IQCJ: variants seen among roughly 807,000 people sequenced by gnomAD.
IQCJ encodes IQ domain-containing protein J.
In IQCJ, 9 loss-of-function variants were observed where a neutral mutation model predicts 11.0. The ratio of observed to expected loss-of-function variants is 0.82; its 90% CI spans 0.49 to 1.43. The LOEUF (loss-of-function observed/expected upper bound fraction) is 1.43, where lower values mean the gene tolerates loss of function less well. IQCJ is among the 40% of genes most tolerant of loss of function. The pLI, the probability that IQCJ is intolerant of heterozygous loss-of-function variation, is 0.00. For missense variants in IQCJ, 146 were observed against 133.2 expected, an observed-to-expected ratio of 1.10 and a Z score of -0.47; for synonymous variants, 55 against 51.3, an observed-to-expected ratio of 1.07 and a Z score of -0.31.
At chr3:159,190,899 A>G (rs1258553448) in intron 1 of IQCJ, among the ~76,000 whole-genome samples, 1 of 152,226 alleles carries the variant, frequency 6.6e-6, no homozygotes, top group African/African-American at 2.4e-5. Flanking sequence ...GTTCTTGTAT[A>G]GTTAGGGGAA....
At chr3:159,149,795 T>C (rs1302948240) in intron 1 of IQCJ, among the ~76,000 whole-genome samples, 1 of 152,204 alleles carries the variant, frequency 6.6e-6, no homozygotes. Context: ...ACACCAAGCA[T>C]TGAATCTGTT....
chr3:159,167,877 A>G (rs1307744290), intron 1 of IQCJ, among the ~76,000 whole-genome samples: 2 of 152,252 alleles, frequency 1.3e-5, no homozygotes, highest in Non-Finnish European at 2.9e-5. Flanking sequence ...AGAAGAGAAG[A>G]CAAGAGATAA....
intron 1 of IQCJ, among the ~76,000 whole-genome samples, chr3:159,152,378 A>G (rs1160685522): frequency 3.3e-5 from 5 of 152,098 alleles, no homozygotes; most frequent in South Asian, 2.1e-4. Context: ...AGCATCCACT[A>G]TCATGTTCTC....
chr3:159,115,484 T>G (rs1718926373), intron 1 of IQCJ, among the ~76,000 whole-genome samples: 2 of 152,268 alleles, frequency 1.3e-5, no homozygotes, highest in South Asian at 4.1e-4. Flanking sequence ...GTGTAAGTTG[T>G]AGTGAACACG....
intron 1 of IQCJ, among the ~76,000 whole-genome samples, chr3:159,156,604 T>C (rs563516859): frequency 1.1e-4 from 16 of 152,338 alleles, no homozygotes; most frequent in Middle Eastern, 3.4e-3. Context: ...AGATTGAACC[T>C]GATGGGTGTT....
At chr3:159,161,482 C>A (rs1348655782) in intron 1 of IQCJ, among the ~76,000 whole-genome samples, 3 of 152,204 alleles carry the variant, frequency 2.0e-5, no homozygotes, top group African/African-American at 7.2e-5. Flanking sequence ...TTGTAGGTTG[C>A]CTGCTCACTC....
chr3:159,128,315 A>G (rs541934629), intron 1 of IQCJ, among the ~76,000 whole-genome samples: 6 of 152,322 alleles, frequency 3.9e-5, no homozygotes, highest in Middle Eastern at 3.4e-3. Flanking sequence ...ATATGTCTAT[A>G]TATGAGCCAG....
rs757677393 is a variant in IQCJ at position 159,262,585 on chromosome 3, G to A, written c.193G>A (p.Glu65Lys). 3.1e-6 allele frequency: 5 copies of A among 1,613,844 alleles called. No homozygotes were observed. Among genetic ancestry groups the A allele is most frequent in the South Asian group, 2.2e-5 (2 of 91,056 alleles). The change falls in exon 4 of 4, where the codon GAG becomes AAG. Residue 65 changes from glutamate to lysine, a missense_variant. By Grantham distance (56) the Glu-to-Lys change is moderately conservative. Transcript: ENST00000397832. Reference protein sequence around the residue: ...RAWREYLQRQEPLGKRSPSPP... With the variant: ...RAWREYLQRQKPLGKRSPSPP... ...ATGGCGAGAGTACCTGCAGCGGCAG[G>A]AGCCCCTGGGGAAGAGGAGCCCGTC... is the stretch of plus-strand genomic sequence containing the variant.
intron 1 of IQCJ, among the ~76,000 whole-genome samples, chr3:159,096,038 C>G (rs1717718585): frequency 1.3e-5 from 1 of 77,362 alleles, no homozygotes; most frequent in African/African-American, 5.6e-5. Flanking sequence ...TGTTTCCTGA[C>G]TTTTTAATGA....
intron 2 of IQCJ, among the ~76,000 whole-genome samples, chr3:159,252,347 G>A (rs1248674584): frequency 6.6e-6 from 1 of 152,168 alleles, no homozygotes; most frequent in Non-Finnish European, 1.5e-5. Context: ...GGTACTACTG[G>A]GGATGAGTAA....
At chr3:159,223,707 G>A (rs578239831) in intron 1 of IQCJ, among the ~76,000 whole-genome samples, 1 of 152,112 alleles carries the variant, frequency 6.6e-6, no homozygotes, top group Non-Finnish European at 1.5e-5. Flanking sequence ...TACATGTTGA[G>A]TATCTGTAAT....
chr3:159,069,480 G>A (rs752497971), intron 1 of IQCJ, 39 bp downstream of exon 1: 2 of 1,589,904 alleles, frequency 1.3e-6, no homozygotes, highest in Admixed American at 1.9e-5. Flanking sequence ...ACTTTGATGT[G>A]CATTATATGC....
chr3:159,160,802 G>A (rs1037659872), intron 1 of IQCJ, among the ~76,000 whole-genome samples: 2 of 150,710 alleles, frequency 1.3e-5, no homozygotes, highest in South Asian at 2.1e-4. Context: ...TTGTTCTTGC[G>A]ATAGTTTACT....
chr3:159,077,643 A>G (rs901258339), intron 1 of IQCJ, among the ~76,000 whole-genome samples: 2 of 152,136 alleles, frequency 1.3e-5, no homozygotes, highest in Non-Finnish European at 2.9e-5. Context: ...TTATATATTT[A>G]CATCCATTTG....
chr3:159,264,157 C>T (rs2108241588), downstream of IQCJ, among the ~76,000 whole-genome samples: 1 of 152,304 alleles, frequency 6.6e-6, no homozygotes, highest in African/African-American at 2.4e-5. Context: ...TTTGTACCTT[C>T]TCACAGCCCC....
chr3:159,252,785 C>T lies in IQCJ; in HGVS notation c.133C>T (p.Pro45Ser), dbSNP rs1235386289. The T allele has an allele frequency of 1.9e-6, 3 of 1,612,036 alleles. No individual in the cohort carries two copies. The highest frequency in any genetic ancestry group is 2.5e-6 in the Non-Finnish European group (3 of 1,178,982). Residue 45 changes from proline to serine, a missense_variant, in exon 3 of 4, where the codon CCC becomes TCC. Physicochemically the swap from Pro to Ser is moderately conservative, Grantham distance 74. Coordinates refer to ENST00000397832, the MANE Select transcript of IQCJ (RefSeq NM_001042706.3). ...NIEKYPLNLQ[P>S]LESKVKIIQR... ...TGAAAAGTATCCCCTCAATCTACAG[C>T]CCTTGGAATCAAAGGTGAAAATGTA...
At chr3:159,114,875 T>G (rs1718868378) in intron 1 of IQCJ, among the ~76,000 whole-genome samples, 1 of 152,224 alleles carries the variant, frequency 6.6e-6, no homozygotes, top group South Asian at 2.1e-4. Flanking sequence ...TGAAGACATT[T>G]GTCAGTAAAA....
At chr3:159,232,457 T>A (rs1256279639) in intron 1 of IQCJ, among the ~76,000 whole-genome samples, 2 of 143,498 alleles carry the variant, frequency 1.4e-5, no homozygotes, top group Non-Finnish European at 3.1e-5. Context: ...CTTTCTTTTT[T>A]TTTTTTTTTT....
At chr3:159,194,088 A>G (rs1259589144) in intron 1 of IQCJ, among the ~76,000 whole-genome samples, 1 of 152,218 alleles carries the variant, frequency 6.6e-6, no homozygotes, top group African/African-American at 2.4e-5. Flanking sequence ...CTGAGGAAGT[A>G]ATTACCATAC....
Sources: gnomAD v4.1 joint callset for allele counts (sites outside exome capture counted in the v4.1 genomes callset) on GRCh38, gnomAD v4.1.1 for gene constraint, MANE v1.5 for transcripts, NCBI Gene and HGNC (gene_info 2026-07-23, HGNC 2026-07-21) for gene names.